The following ASPM variants were observed in gnomAD, a reference collection of about 807,000 sequenced individuals.
ASPM encodes the protein abnormal spindle-like microcephaly-associated protein.
Under a neutral mutation model 366.4 loss-of-function variants are expected in ASPM, and 256 were observed. That is an observed-to-expected ratio of 0.70 (90% CI 0.63 to 0.77). The LOEUF (loss-of-function observed/expected upper bound fraction) is 0.77, where lower values mean the gene tolerates loss of function less well. Among genes scored for constraint, ASPM ranks in the 30% least tolerant of loss-of-function variants. ASPM has a pLI of 0.00. For synonymous variants in ASPM, 1,414 were observed against 1,342.9 expected (o/e 1.05, Z -1.16); for missense variants, 4,146 against 4,090.4 (o/e 1.01, Z -0.37).
intron 10 of ASPM, among the ~76,000 whole-genome samples, chr1:197,125,741 T>C (rs1256503624): frequency 3.3e-5 from 5 of 151,986 alleles, no homozygotes; most frequent in African/African-American, 1.2e-4. Flanking sequence ...AATTCCTATA[T>C]ATATATAAAA....
intron 16 of ASPM, among the ~76,000 whole-genome samples, chr1:197,119,372 G>A (rs1349161927): frequency 6.6e-6 from 1 of 152,144 alleles, no homozygotes; most frequent in Non-Finnish European, 1.5e-5. Context: ...ATTTTCAAAT[G>A]TTGCAGTTCA....
chr1:197,116,419 T>C (rs1385377716), intron 17 of ASPM, among the ~76,000 whole-genome samples: 1 of 152,162 alleles, frequency 6.6e-6, no homozygotes, highest in Non-Finnish European at 1.5e-5. Flanking sequence ...ATTTTGAGAA[T>C]TACCAAACTA....
In ASPM at chr1:197,104,107, T is replaced by C. The variant is rs1469497914; in HGVS notation, c.5144A>G (p.Lys1715Arg). The C allele has an allele frequency of 6.2e-7, 1 of 1,612,904 alleles. No homozygotes were observed. The highest frequency in any genetic ancestry group is 8.5e-7 in the Non-Finnish European group (1 of 1,179,440). Residue 1715 changes from lysine to arginine, a missense_variant, in exon 18 of 28, where the codon AAA becomes AGA. Coordinates refer to ENST00000367409, the MANE Select transcript of ASPM (RefSeq NM_018136.5). ...ALFIQQCYRS[K>R]KIAAQKREEY... The stretch of plus-strand genomic sequence containing the variant: ...TTCTCTCTTTTGTGCAGCTATTTTT[T>C]TGGAACGGTAACATTGCTGGATAAA...
At chr1:197,144,573 T>C (rs1038416553) in intron 1 of ASPM, among the ~76,000 whole-genome samples, 9 of 152,176 alleles carry the variant, frequency 5.9e-5, no homozygotes, top group African/African-American at 2.2e-4. Context: ...GTATTATTGT[T>C]CCAGGCATAA....
rs1046101934 is a variant in ASPM at position 197,092,936 on chromosome 1, G to A, written c.9294+116C>T. ...CTTTCTAGCAGCTGAATTAATTCAA[G>A]TTAATGGTCATATTAGTTCTGAAAT... On this transcript the variant is annotated intron_variant, in intron 21 of 27. Coordinates refer to ENST00000367409, the MANE Select transcript of ASPM (RefSeq NM_018136.5). 8 of 918,056 alleles carry A rather than the reference G, an allele frequency of 8.7e-6. No homozygotes were observed. The African/African-American group carries it at 1.0e-4, about 12-fold the overall frequency. 56.9% of individuals were successfully genotyped at this position (918,056 alleles called of 1,614,324 possible). A position where few individuals can be genotyped will look rare whatever the true frequency, so the allele number is the denominator to read the frequency against.
chr1:197,128,402 A>T, intron 10 of ASPM, 88 bp downstream of exon 10: 5 of 1,342,494 alleles, frequency 3.7e-6, no homozygotes, highest in South Asian at 1.2e-5. Flanking sequence ...TACTTGAAAG[A>T]GCAAGATTGA....
At chr1:197,092,113 G>A in intron 21 of ASPM, 57 bp from the exon 22 acceptor site, 1 of 1,570,874 alleles carries the variant, frequency 6.4e-7, no homozygotes, top group Admixed American at 1.7e-5. Context: ...TAATCAATGA[G>A]TGTTTTTTTT....
chr1:197,133,695 T>C (rs1471143177), intron 5 of ASPM, 100 bp from the exon 6 acceptor site: 3 of 1,401,230 alleles, frequency 2.1e-6, no homozygotes, highest in Non-Finnish European at 3.0e-6. Flanking sequence ...AAAAACATAA[T>C]CTATTCCTCA....
rs772982246 is a variant in ASPM, at chr1:197,089,992, G to A, written c.9922C>T (p.Arg3308Cys). ...KIFVLIRSCN[R>C]SIPCMEVIRY... Reference sequence around the variant, plus strand: ...ATGACTTCCATACAAGGAATACTGCGATTACAACTTCGGATCAAAACAAAT... The same window carrying A: ...ATGACTTCCATACAAGGAATACTGCAATTACAACTTCGGATCAAAACAAAT... The change falls in exon 25 of 28, where the codon CGC becomes TGC. Residue 3308 changes from arginine to cysteine, a missense_variant. Arg to Cys is a radical substitution (Grantham distance 180). Around this residue, in one of 3 missense-constraint regions of ASPM, gnomAD observed 3,624 missense variants for 3,591.7 expected, o/e 1.01. Coordinates refer to ENST00000367409, the MANE Select transcript of ASPM (RefSeq NM_018136.5). 2 of 1,613,082 alleles carry A rather than the reference G, an allele frequency of 1.2e-6. No individual in the cohort carries two copies. The highest frequency in any genetic ancestry group is 8.5e-7 in the Non-Finnish European group (1 of 1,179,474).
chr1:197,111,581 T>C (rs1284627712), intron 17 of ASPM, among the ~76,000 whole-genome samples: 1 of 152,124 alleles, frequency 6.6e-6, no homozygotes, highest in East Asian at 1.9e-4. Flanking sequence ...ACGGGGTATA[T>C]ACCCAAAGAA....
chr1:197,129,096 A>AT (rs557045549), intron 9 of ASPM, 91 bp downstream of exon 9: 16 of 1,463,098 alleles, frequency 1.1e-5, no homozygotes, highest in East Asian at 2.3e-5. Flanking sequence ...TGGAAAACTA[A>AT]TTTTTTTTCT....
intron 3 of ASPM, among the ~76,000 whole-genome samples, chr1:197,141,143 T>C (rs1322994302): frequency 6.6e-6 from 1 of 152,024 alleles, no homozygotes; most frequent in African/African-American, 2.4e-5. Context: ...TGTTTTTGTA[T>C]GTTCCAAGAG....
At chr1:197,090,785 T>G in intron 23 of ASPM, 65 bp downstream of exon 23, 1 of 1,430,890 alleles carries the variant, frequency 7.0e-7, no homozygotes, top group Non-Finnish European at 9.8e-7. Flanking sequence ...TTTTATAGTG[T>G]TAGATATCAT....
chr1:197,103,192 G>A lies in ASPM; in HGVS notation c.6059C>T (p.Thr2020Ile). ...GREQNHLYLK[T>I]KAAVVTLQSA... is the part of the protein sequence containing the mutation. The stretch of plus-strand genomic sequence containing the variant: ...CTGTAAAGTTACTACAGCTGCTTTT[G>A]TTTTCAAATATAAATGATTCTGTTC... The change falls in exon 18 of 28, where the codon ACA (threonine) becomes ATA (isoleucine). Residue 2020 changes from threonine (T) to isoleucine (I), a missense_variant. Physicochemically the swap from Thr to Ile is moderately conservative, Grantham distance 89. Around this residue, in one of 3 missense-constraint regions of ASPM, gnomAD observed 3,624 missense variants for 3,591.7 expected, o/e 1.01. Coordinates refer to ENST00000367409, the MANE Select transcript of ASPM (RefSeq NM_018136.5). The A allele has an allele frequency of 1.2e-6, 2 of 1,612,516 alleles. No individual in the cohort carries two copies. Among genetic ancestry groups the A allele is most frequent in the Non-Finnish European group, 1.7e-6 (2 of 1,179,320 alleles).
intron 27 of ASPM, among the ~76,000 whole-genome samples, chr1:197,085,674 A>G (rs1217961992): frequency 6.6e-6 from 1 of 152,194 alleles, no homozygotes; most frequent in Non-Finnish European, 1.5e-5. Flanking sequence ...ATATGATTCC[A>G]TATATGTGAC....
intron 26 of ASPM, 52 bp from the exon 27 acceptor site, chr1:197,087,024 T>A (rs757169282): frequency 6.7e-7 from 1 of 1,495,632 alleles, no homozygotes; most frequent in African/African-American, 1.4e-5. Flanking sequence ...TAAAATTTTA[T>A]CTCTTTTAGA....
rs1234150214 is a variant in ASPM, at chr1:197,143,703, T to C, written c.549A>G (p.Gln183=). The part of the protein sequence containing the change: ...QNVNKTFSVS[Q]KVDRVRSPLQ... ...GTGGGCTCCTAACTCTGTCAACTTT[T>C]TGGGAAACACTAAATGTTTTATTAA... The change falls in exon 3 of 28, where the codon CAA becomes CAG. Residue 183 remains glutamine (Q), a synonymous_variant. Coordinates refer to ENST00000367409, the MANE Select transcript of ASPM (RefSeq NM_018136.5). 4.3e-6 allele frequency: 7 copies of C among 1,613,966 alleles called. No homozygotes were observed.
Position 197,146,144 on chromosome 1 carries a change from C to G in ASPM, c.294G>C (p.Leu98Phe). 1.9e-6 allele frequency: 3 copies of G among 1,614,072 alleles called. No homozygotes were observed. Among genetic ancestry groups the G allele is most frequent in the Non-Finnish European group, 2.5e-6 (3 of 1,179,990 alleles). The change falls in exon 1 of 28, where the codon TTG becomes TTC. Residue 98 changes from leucine (L) to phenylalanine (F), a missense_variant. Transcript: ENST00000367409. ...GCACGCTCCTCCTGAGACCTACCTG[C>G]AACACGAAACAGCGCTGCGACACAC... ...GFSVSQRCFVLQPKEKIVISV... is the reference protein window; with the variant it reads ...GFSVSQRCFVFQPKEKIVISV...
At chr1:197,121,111 G>A (rs1039624296) in intron 16 of ASPM, among the ~76,000 whole-genome samples, 1 of 151,980 alleles carries the variant, frequency 6.6e-6, no homozygotes, top group Non-Finnish European at 1.5e-5. Context: ...AATTTTACCA[G>A]GCATGGATGC....
Sources: allele counts gnomAD v4.1 joint callset (sites outside exome capture counted in the v4.1 genomes callset), GRCh38; gene constraint gnomAD v4.1.1; regional missense constraint gnomAD v4.1.1; transcripts MANE v1.5; gene names NCBI Gene and HGNC (gene_info 2026-07-23, HGNC 2026-07-21).